GPR39: variants seen among roughly 807,000 people sequenced by gnomAD.
The protein encoded by GPR39 is G protein-coupled receptor 39, also known as zinc sensing receptor.
In GPR39, 23 loss-of-function variants were observed where a neutral mutation model predicts 18.4. The ratio of observed to expected loss-of-function variants is 1.25; its 90% CI spans 0.90 to 1.77. The LOEUF is 1.77. Among genes scored for constraint, GPR39 ranks in the 40% most tolerant of loss-of-function variants. The pLI is 0.00. For missense variants in GPR39, 647 were observed against 602.4 expected (o/e 1.07, Z -0.78); for synonymous variants, 280 against 257.9 (o/e 1.09, Z -0.82).
chr2:132,627,797 C>T (rs1430616087), intron 1 of GPR39, among the ~76,000 whole-genome samples: 2 of 152,160 alleles, frequency 1.3e-5, no homozygotes, highest in East Asian at 3.9e-4. Context: ...GGATTTTGCT[C>T]CATCCCTAGC....
intron 1 of GPR39, among the ~76,000 whole-genome samples, chr2:132,449,290 C>G (rs1573607450): frequency 6.6e-6 from 1 of 152,242 alleles, no homozygotes; most frequent in African/African-American, 2.4e-5. Flanking sequence ...CTCTGTCACG[C>G]AGGCTGGAGT....
At chr2:132,474,236 C>A (rs909534688) in intron 1 of GPR39, among the ~76,000 whole-genome samples, 2 of 152,220 alleles carry the variant, frequency 1.3e-5, no homozygotes, top group Non-Finnish European at 2.9e-5. Context: ...GGCATATTTT[C>A]TGCATATCTC....
intron 1 of GPR39, chr2:132,523,883 C>G (rs1159405938): frequency 6.5e-6 from 1 of 152,698 alleles, no homozygotes; most frequent in Non-Finnish European, 1.5e-5. Flanking sequence ...GTGGAGTGCT[C>G]AGAACCTGGG....
intron 1 of GPR39, among the ~76,000 whole-genome samples, chr2:132,467,356 C>G (rs1680945557): frequency 1.3e-5 from 2 of 152,108 alleles, no homozygotes; most frequent in Admixed American, 1.3e-4. Flanking sequence ...GAGAACTAAA[C>G]TTTGGGTACT....
rs370135239 is a variant in GPR39 at position 132,645,370 on chromosome 2, G to A, written c.1126G>A (p.Val376Ile). The change falls in exon 2 of 2, where the codon GTA becomes ATA. Residue 376 changes from valine to isoleucine, a missense_variant. Physicochemically the swap from Val to Ile is conservative, Grantham distance 29 (BLOSUM62 3). Coordinates refer to ENST00000329321, the MANE Select transcript of GPR39 (RefSeq NM_001508.3). ...CGCCAACCACGAGAAGCGCCTGCGC[G>A]TACATGCGCACTCCACCACCGACAG... is the stretch of plus-strand genomic sequence containing the variant. ...QHANHEKRLRVHAHSTTDSAR... is the reference protein window; with the variant it reads ...QHANHEKRLRIHAHSTTDSAR... 31 of 1,613,812 alleles carry A rather than the reference G, an allele frequency of 1.9e-5. 1 individual carries two copies. The Middle Eastern group carries it at 6.6e-4, about 34-fold the overall frequency.
At chr2:132,597,967 T>C (rs1680975429) in intron 1 of GPR39, among the ~76,000 whole-genome samples, 1 of 152,204 alleles carries the variant, frequency 6.6e-6, no homozygotes. Flanking sequence ...TGTCATTCTG[T>C]GCTGAGAAGT....
At chr2:132,530,744 A>T (rs1271864998) in intron 1 of GPR39, among the ~76,000 whole-genome samples, 1 of 152,238 alleles carries the variant, frequency 6.6e-6, no homozygotes, top group Non-Finnish European at 1.5e-5. Flanking sequence ...TTTCATATCC[A>T]GCCAAACTAA....
chr2:132,455,137 T>C (rs900761353), intron 1 of GPR39, among the ~76,000 whole-genome samples: 1 of 152,212 alleles, frequency 6.6e-6, no homozygotes, highest in Admixed American at 6.5e-5. Context: ...GGTAGGCTAT[T>C]AATTATTGCC....
At chr2:132,471,132 G>GAAGTCAAAGCAAAGA (rs1388295688) in intron 1 of GPR39, among the ~76,000 whole-genome samples, 100 of 152,276 alleles carry the variant, frequency 6.6e-4, no homozygotes, top group Admixed American at 5.0e-3. Context: ...TGAGGCCAGG[G>GAAGTCAAAGCAAAGA]AAGTAGGCAA....
At chr2:132,543,088 A>T (rs1679888899) in intron 1 of GPR39, among the ~76,000 whole-genome samples, 1 of 152,238 alleles carries the variant, frequency 6.6e-6, no homozygotes, top group South Asian at 2.1e-4. Flanking sequence ...CTAGGTTTGC[A>T]TTCTTGTCTC....
intron 1 of GPR39, among the ~76,000 whole-genome samples, chr2:132,456,503 G>T (rs957080473): frequency 1.3e-5 from 2 of 152,176 alleles, no homozygotes; most frequent in African/African-American, 4.8e-5. Flanking sequence ...TGTTATGTGT[G>T]AATCTGATCA....
chr2:132,423,075 C>A (rs1402035305), intron 1 of GPR39, among the ~76,000 whole-genome samples: 1 of 152,006 alleles, frequency 6.6e-6, no homozygotes, highest in Admixed American at 6.6e-5. Context: ...GCAAGGTCCG[C>A]TGGTCTACCA....
chr2:132,435,016 C>A (rs2104761250), intron 1 of GPR39, among the ~76,000 whole-genome samples: 1 of 152,278 alleles, frequency 6.6e-6, no homozygotes, highest in Admixed American at 6.5e-5. Flanking sequence ...CAATATTAGA[C>A]AATCTGGCCA....
intron 1 of GPR39, among the ~76,000 whole-genome samples, chr2:132,563,891 T>C (rs1377862090): frequency 6.6e-6 from 1 of 152,186 alleles, no homozygotes; most frequent in Non-Finnish European, 1.5e-5. Flanking sequence ...TGGAGGTGCC[T>C]GGGTCCCCCC....
intron 1 of GPR39, among the ~76,000 whole-genome samples, chr2:132,498,964 C>T (rs1415538366): frequency 6.6e-6 from 1 of 151,936 alleles, no homozygotes; most frequent in Non-Finnish European, 1.5e-5. Flanking sequence ...GATATTAGTC[C>T]TTTGTCGGAT....
chr2:132,463,439 T>C (rs77375557), intron 1 of GPR39, among the ~76,000 whole-genome samples: 6 of 150,752 alleles, frequency 4.0e-5, no homozygotes, highest in Middle Eastern at 3.2e-3. Context: ...TTTTTTTTTT[T>C]GGTCTTCTTT....
chr2:132,637,530 C>A (rs189254914), intron 1 of GPR39, among the ~76,000 whole-genome samples: 1 of 152,190 alleles, frequency 6.6e-6, no homozygotes. Flanking sequence ...TTGTGGCCTG[C>A]GCCTTTCTGA....
intron 1 of GPR39, among the ~76,000 whole-genome samples, chr2:132,583,597 G>A (rs1319915601): frequency 6.6e-6 from 1 of 151,972 alleles, no homozygotes; most frequent in East Asian, 1.9e-4. Context: ...CCAAAACTTA[G>A]TGGCTAATTA....
intron 1 of GPR39, among the ~76,000 whole-genome samples, chr2:132,593,960 G>A (rs1304534068): frequency 4.6e-5 from 7 of 152,004 alleles, no homozygotes; most frequent in Admixed American, 1.3e-4. Context: ...CTCCCATCCC[G>A]CCTCCCTGAT....
Sources: gnomAD v4.1 joint callset for allele counts (sites outside exome capture counted in the v4.1 genomes callset) on GRCh38, gnomAD v4.1.1 for gene constraint, MANE v1.5 for transcripts, NCBI Gene and HGNC (gene_info 2026-07-23, HGNC 2026-07-21) for gene names.